The following SLC4A4 variants were observed in gnomAD, a reference collection of about 807,000 sequenced individuals.
SLC4A4 encodes the protein electrogenic sodium bicarbonate cotransporter 1.
SLC4A4 carries 27 observed loss-of-function variants against 111.5 expected under a neutral mutation model. The ratio of observed to expected loss-of-function variants is 0.24; its 90% CI spans 0.18 to 0.33. The LOEUF is 0.33. SLC4A4 is among the 10% of genes least tolerant of loss of function. The probability of loss-of-function intolerance (pLI) is 1.00; values close to 1 mark genes in which losing one functional copy is unlikely to be tolerated. For missense variants in SLC4A4, 909 were observed against 1,315.5 expected, an observed-to-expected ratio of 0.69 and a Z score of 4.78; for synonymous variants, 443 against 463.4, an observed-to-expected ratio of 0.96 and a Z score of 0.57.
At chr4:71,513,852 T>G (rs1732144353) in intron 16 of SLC4A4, among the ~76,000 whole-genome samples, 1 of 152,206 alleles carries the variant, frequency 6.6e-6, no homozygotes, top group Non-Finnish European at 1.5e-5. Flanking sequence ...GGATGTTGTA[T>G]TTTATCATAT....
intron 1 of SLC4A4, among the ~76,000 whole-genome samples, chr4:71,067,949 A>G (rs1741566354): frequency 6.6e-6 from 1 of 150,772 alleles, no homozygotes; most frequent in Non-Finnish European, 1.5e-5. Flanking sequence ...GGATCTTGCT[A>G]TGTTGCCTAG....
At chr4:71,220,692 G>A (rs115260909) in intron 1 of SLC4A4, among the ~76,000 whole-genome samples, 175 of 152,072 alleles carry the variant, frequency 1.2e-3, no homozygotes, top group African/African-American at 4.1e-3. Context: ...TAAGGAGAGT[G>A]TTTTTATTTT....
intron 15 of SLC4A4, among the ~76,000 whole-genome samples, chr4:71,487,781 C>A (rs1456702107): frequency 6.6e-6 from 1 of 151,562 alleles, no homozygotes; most frequent in Non-Finnish European, 1.5e-5. Context: ...GTAGTGAGTG[C>A]CCTAACATCC....
Position 71,447,724 on chromosome 4 carries a change from G to GT in SLC4A4, c.1045dup (p.Ser349PhefsTer2). The GT allele has an allele frequency of 6.2e-7, 1 of 1,604,244 alleles. No homozygotes were observed. Among genetic ancestry groups the GT allele is most frequent in the Non-Finnish European group, 8.5e-7 (1 of 1,171,298 alleles). On this transcript the variant is annotated frameshift_variant, in exon 9 of 26. Coordinates refer to ENST00000264485, the MANE Select transcript of SLC4A4 (RefSeq NM_001098484.3). LOFTEE classifies it high-confidence loss of function. ...TTGGCAGAGCCATTGCCACCCTGAT[G>GT]TCTGATGAGGTAGGAAATCAGGAAG...
At chr4:71,130,252 T>C (rs1578507924) in intron 2 of SLC4A4, among the ~76,000 whole-genome samples, 1 of 152,108 alleles carries the variant, frequency 6.6e-6, no homozygotes. Flanking sequence ...TTTTAAGAGA[T>C]GAGATCTTGC....
chr4:71,306,683 G>C (rs937329245), intron 3 of SLC4A4, among the ~76,000 whole-genome samples: 2 of 152,142 alleles, frequency 1.3e-5, no homozygotes, highest in Non-Finnish European at 2.9e-5. Context: ...GATAGTAATT[G>C]CATAATGAAA....
At chr4:71,066,072 AAG>A (rs1741509790) in intron 1 of SLC4A4, among the ~76,000 whole-genome samples, 1 of 152,290 alleles carries the variant, frequency 6.6e-6, no homozygotes, top group Admixed American at 6.5e-5. Context: ...TGGAAGAAAA[AAG>A]CCCTCAAAAT....
chr4:71,552,065 A>T (rs868397729), intron 20 of SLC4A4, among the ~76,000 whole-genome samples: 2 of 151,972 alleles, frequency 1.3e-5, no homozygotes, highest in Middle Eastern at 6.8e-3. Flanking sequence ...TCTGCTGGGC[A>T]ATTGCAGCAG....
At chr4:71,414,486 T>C (rs1296081563) in intron 7 of SLC4A4, among the ~76,000 whole-genome samples, 1 of 152,242 alleles carries the variant, frequency 6.6e-6, no homozygotes, top group Non-Finnish European at 1.5e-5. Context: ...TATTTATTTA[T>C]TATTTTCAAA....
In SLC4A4 at chr4:71,115,252, G is replaced by T. The variant is rs1351816983; in HGVS notation, c.-2+22460G>T. ...CCTAATGCTAGATGACGAGTTAGTG[G>T]GTGCAGCACACCAGCATGGCACATG... On this transcript the variant is annotated intron_variant, in intron 2 of 26. Transcript: ENST00000649996. 1.7e-4 allele frequency among the ~76,000 whole-genome samples: 26 copies of T among 150,314 alleles called. No homozygotes were observed. In the Admixed American group the frequency reaches 1.7e-3, roughly 10 times the overall value.
chr4:71,494,951 A>G (rs141862425), intron 15 of SLC4A4, among the ~76,000 whole-genome samples: 4 of 152,224 alleles, frequency 2.6e-5, no homozygotes, highest in African/African-American at 9.6e-5. Flanking sequence ...TCTAAATAGA[A>G]TTGTTTATTA....
At chr4:71,526,250 C>T (rs983818319) in intron 16 of SLC4A4, among the ~76,000 whole-genome samples, 2 of 151,936 alleles carry the variant, frequency 1.3e-5, no homozygotes, top group Non-Finnish European at 2.9e-5. Flanking sequence ...TTCAAGATCT[C>T]AGAAATGAAT....
chr4:71,345,808 G>A (rs1019803022), intron 4 of SLC4A4, among the ~76,000 whole-genome samples: 6 of 151,998 alleles, frequency 3.9e-5, no homozygotes, highest in Non-Finnish European at 5.9e-5. Context: ...AAAGACTCAA[G>A]GAATTTAATC....
intron 1 of SLC4A4, among the ~76,000 whole-genome samples, chr4:71,195,264 T>C (rs1455134023): frequency 6.8e-6 from 1 of 147,778 alleles, no homozygotes; most frequent in Non-Finnish European, 1.5e-5. Context: ...TTAAAGAGCT[T>C]ATGGGGGTCT....
At chr4:71,423,420 C>A (rs1180419230) in intron 7 of SLC4A4, among the ~76,000 whole-genome samples, 25 of 152,210 alleles carry the variant, frequency 1.6e-4, no homozygotes, top group Non-Finnish European at 2.9e-4. Context: ...TGCCCAAGGT[C>A]ATTTATAGAT....
intron 2 of SLC4A4, among the ~76,000 whole-genome samples, chr4:71,125,670 A>G (rs1281238708): frequency 6.6e-6 from 1 of 152,244 alleles, no homozygotes; most frequent in African/African-American, 2.4e-5. Flanking sequence ...AATAAATTTC[A>G]GTTTAGGCAT....
At chr4:71,443,083 ACTCTCTCTCT>A (rs1180993467) in intron 8 of SLC4A4, among the ~76,000 whole-genome samples, 2 of 31,450 alleles carry the variant, frequency 6.4e-5, no homozygotes, top group African/African-American at 3.9e-4. Flanking sequence ...AGAGGCCACT[ACTCTCTCTCT>A]CTCTCTCTCT....
intron 3 of SLC4A4, among the ~76,000 whole-genome samples, chr4:71,293,002 C>A (rs537779592): frequency 6.6e-6 from 1 of 150,728 alleles, no homozygotes; most frequent in Non-Finnish European, 1.5e-5. Flanking sequence ...CCACTGCGCC[C>A]GGCTAATTTT....
intron 14 of SLC4A4, among the ~76,000 whole-genome samples, chr4:71,476,070 G>T (rs1728344336): frequency 6.6e-6 from 1 of 151,762 alleles, no homozygotes; most frequent in South Asian, 2.1e-4. Context: ...CTATGGAGAT[G>T]AAATCTATTT....
Sources: allele counts gnomAD v4.1 joint callset (sites outside exome capture counted in the v4.1 genomes callset), GRCh38; gene constraint gnomAD v4.1.1; transcripts MANE v1.5; gene names NCBI Gene and HGNC (gene_info 2026-07-23, HGNC 2026-07-21).